Variants in MED23 observed in about 807,000 individuals in gnomAD.
MED23 encodes the protein mediator of RNA polymerase II transcription subunit 23.
MED23 carries 105 observed loss-of-function variants against 163.9 expected under a neutral mutation model. That is an observed-to-expected ratio of 0.64 (90% CI 0.55 to 0.75). MED23 has a LOEUF of 0.75. Among genes scored for constraint, MED23 ranks in the 30% least tolerant of loss-of-function variants. The pLI, the probability that MED23 is intolerant of heterozygous loss-of-function variation, is 0.00. For synonymous variants in MED23, 561 were observed against 565.6 expected (o/e 0.99, Z 0.12); for missense variants, 1,054 against 1,649.0 (o/e 0.64, Z 6.25).
intron 5 of MED23, among the ~76,000 whole-genome samples, chr6:131,622,647 A>C (rs932617108): frequency 1.3e-5 from 2 of 152,274 alleles, no homozygotes; most frequent in African/African-American, 4.8e-5. Flanking sequence ...AGAAAATTGC[A>C]TAAGTCTGAG....
chr6:131,593,576 A>G (rs1028968944), intron 23 of MED23, among the ~76,000 whole-genome samples: 3 of 152,210 alleles, frequency 2.0e-5, no homozygotes, highest in African/African-American at 4.8e-5. Flanking sequence ...CTTACCTAGT[A>G]AAATAGTGGT....
intron 2 of MED23, 66 bp downstream of exon 2, chr6:131,627,575 A>G: frequency 1.2e-6 from 2 of 1,600,024 alleles, no homozygotes; most frequent in South Asian, 2.2e-5. Flanking sequence ...TTCCAACACG[A>G]AACTAAGTAA....
At chr6:131,593,427 C>T (rs1233402902) in intron 23 of MED23, among the ~76,000 whole-genome samples, 1 of 152,066 alleles carries the variant, frequency 6.6e-6, no homozygotes, top group Non-Finnish European at 1.5e-5. Context: ...CCAAGGTTTA[C>T]CTAGGTTTCA....
chr6:131,606,638 A>G lies in MED23; in HGVS notation c.1222-14T>C, dbSNP rs758214491. The stretch of plus-strand genomic sequence containing the variant: ...AACTGGGATATACTGAAAAATAACA[A>G]TTTGAAAAATAACACAATAGAAGAA... On this transcript the variant is annotated splice_polypyrimidine_tract_variant and intron_variant, in intron 12 of 28. Coordinates refer to ENST00000368068, the MANE Select transcript of MED23 (RefSeq NM_004830.4). 1.9e-6 allele frequency: 3 copies of G among 1,590,504 alleles called. No individual in the cohort carries two copies. The highest frequency in any genetic ancestry group is 2.6e-6 in the Non-Finnish European group (3 of 1,159,436).
Position 131,621,866 on chromosome 6 carries a change from A to C in MED23, c.495+15T>G. ...TTGAGGTTATGATCACGAATTTCAG[A>C]CATGTCTAAATTACCTCTCTTGCTG... On this transcript the variant is annotated intron_variant, in intron 6 of 28. Transcript: ENST00000368068. 1.3e-6 allele frequency: 2 copies of C among 1,568,914 alleles called. No individual in the cohort carries two copies. Among genetic ancestry groups the C allele is most frequent in the Non-Finnish European group, 1.7e-6 (2 of 1,150,596 alleles).
chr6:131,606,705 T>C, intron 12 of MED23, 81 bp from the exon 13 acceptor site: 1 of 1,200,466 alleles, frequency 8.3e-7, no homozygotes, highest in African/African-American at 1.5e-5. Flanking sequence ...GTAATCAATT[T>C]CTAATATAAC....
Position 131,624,929 on chromosome 6 carries a change from T to C in MED23, c.220A>G (p.Lys74Glu). 3 of 1,613,802 alleles carry C rather than the reference T, an allele frequency of 1.9e-6. No individual in the cohort carries two copies. The highest frequency in any genetic ancestry group is 2.5e-6 in the Non-Finnish European group (3 of 1,179,860). Reference sequence around the variant, plus strand: ...CAGTCATAAAGAAAAGAAATTCTTTTAGGACTATGCTGACCATGAATAAAC... The same window carrying C: ...CAGTCATAAAGAAAAGAAATTCTTTCAGGACTATGCTGACCATGAATAAAC... Reference protein sequence around the residue: ...VKFIHGQHSPKRISFLYDCLA... With the variant: ...VKFIHGQHSPERISFLYDCLA... The change falls in exon 4 of 29, where the codon AAA (lysine) becomes GAA (glutamate). Residue 74 changes from lysine (K) to glutamate (E), a missense_variant. Physicochemically the swap from Lys to Glu is moderately conservative, Grantham distance 56. This residue lies in a region of MED23 where 227 missense variants were observed against 235.5 expected (regional missense o/e 0.96). Transcript: ENST00000368068.
intron 8 of MED23, among the ~76,000 whole-genome samples, chr6:131,618,936 T>TAA (rs769199120): frequency 1.6e-4 from 24 of 152,196 alleles, no homozygotes; most frequent in Non-Finnish European, 3.5e-4. Flanking sequence ...GGAAAAAGTT[T>TAA]AAGACCACTA....
intron 10 of MED23, among the ~76,000 whole-genome samples, chr6:131,611,452 C>A (rs982366797): frequency 6.6e-6 from 1 of 152,080 alleles, no homozygotes; most frequent in Non-Finnish European, 1.5e-5. Context: ...AATCACATTA[C>A]AGGTTTACAA....
At chr6:131,582,922 C>T, downstream of MED23, 1 of 776,378 alleles carries the variant, frequency 1.3e-6, no homozygotes. Context: ...AAAATAAATA[C>T]AAATAAAACT....
chr6:131,582,066 T>C (rs988370460), downstream of MED23, among the ~76,000 whole-genome samples: 2 of 152,248 alleles, frequency 1.3e-5, no homozygotes, highest in Non-Finnish European at 2.9e-5. Context: ...ATTTGGTCCT[T>C]ATGATGATAC....
chr6:131,606,497 G>A lies in MED23; in HGVS notation c.1349C>T (p.Ser450Phe). The change falls in exon 13 of 29, where the codon TCC becomes TTC. Residue 450 changes from serine (S) to phenylalanine (F), a missense_variant. This residue lies in a region of MED23 where 39 missense variants were observed against 50.5 expected (regional missense o/e 0.77). Coordinates refer to ENST00000368068, the MANE Select transcript of MED23 (RefSeq NM_004830.4). Reference protein sequence around the residue: ...NSKLQIPIPHSLRLHHEFLQQ... With the variant: ...NSKLQIPIPHFLRLHHEFLQQ... Reference sequence around the variant, plus strand: ...AACTTACTCATGGTGAAGTCTTAGGGAATGAGGTATTGGAATCTGTAGCTT... The same window carrying A: ...AACTTACTCATGGTGAAGTCTTAGGAAATGAGGTATTGGAATCTGTAGCTT... 6.2e-7 allele frequency: 1 copy of A among 1,613,364 alleles called. No homozygotes were observed. The highest frequency in any genetic ancestry group is 1.7e-5 in the Admixed American group (1 of 59,972).
chr6:131,582,545 T>C (rs1721825346), downstream of MED23: 7 of 1,083,756 alleles, frequency 6.5e-6, no homozygotes, highest in African/African-American at 1.5e-5. Context: ...CGCAATCCAA[T>C]ATGTGTCTTT....
In MED23 at chr6:131,602,257, C is replaced by T; in HGVS notation, c.2056G>A (p.Ala686Thr). The T allele has an allele frequency of 6.2e-7, 1 of 1,613,902 alleles. No homozygotes were observed. The highest frequency in any genetic ancestry group is 8.5e-7 in the Non-Finnish European group (1 of 1,179,844). Residue 686 changes from alanine (A) to threonine (T), a missense_variant, in exon 17 of 29, where the codon GCC becomes ACC. Physicochemically the swap from Ala to Thr is moderately conservative, Grantham distance 58. This residue lies in a region of MED23 where 228 missense variants were observed against 461.3 expected (regional missense o/e 0.49). Coordinates refer to ENST00000368068, the MANE Select transcript of MED23 (RefSeq NM_004830.4). Reference protein sequence around the residue: ...LSAESEELNRALILTLARATH... With the variant: ...LSAESEELNRTLILTLARATH... Reference sequence around the variant, plus strand: ...GCTCTAGCCAAGGTCAATATCAAGGCTCGGTTCAGTTCTTCAGATTCTGCT... The same window carrying T: ...GCTCTAGCCAAGGTCAATATCAAGGTTCGGTTCAGTTCTTCAGATTCTGCT...
intron 30 of MED23, among the ~76,000 whole-genome samples, chr6:131,575,371 GC>G (rs1773565070): frequency 6.6e-6 from 1 of 152,096 alleles, no homozygotes; most frequent in Non-Finnish European, 1.5e-5. Flanking sequence ...AAAACTAAAG[GC>G]AAAACATGAA....
intron 13 of MED23, among the ~76,000 whole-genome samples, chr6:131,606,066 T>C (rs749112996): frequency 2.6e-5 from 4 of 152,184 alleles, no homozygotes; most frequent in Non-Finnish European, 4.4e-5. Context: ...TTAAGGGGCA[T>C]GCCAGCCAGA....
chr6:131,605,455 A>G lies in MED23; in HGVS notation c.1398T>C (p.Ser466=). The change falls in exon 14 of 29, where the codon AGT becomes AGC. Residue 466 remains serine, a synonymous_variant. Transcript: ENST00000368068. ...CAATCTTATAGTCATTCATCTGTAA[A>G]CTTTTATTTCTTAGACTCTGCTGCA... ...EFLQQSLRNK[S]LQMNDYKIAL... is the part of the protein sequence containing the mutation. The G allele has an allele frequency of 1.9e-6, 3 of 1,605,364 alleles. No homozygotes were observed. Among genetic ancestry groups the G allele is most frequent in the Non-Finnish European group, 1.7e-6 (2 of 1,174,912 alleles).
chr6:131,588,178 C>T (rs771198287), intron 28 of MED23, among the ~76,000 whole-genome samples: 1 of 152,168 alleles, frequency 6.6e-6, no homozygotes, highest in Non-Finnish European at 1.5e-5. Flanking sequence ...CAAAAGCTAG[C>T]AGAGTTTACA....
Position 131,586,857 on chromosome 6 carries a change from G to A in MED23, c.*822C>T, listed in dbSNP as rs923948925. 6.8e-7 allele frequency: 1 copy of A among 1,470,110 alleles called. No homozygotes were observed. The highest frequency in any genetic ancestry group is 9.2e-7 in the Non-Finnish European group (1 of 1,086,570). 91.1% of individuals were successfully genotyped at this position (1,470,110 alleles called of 1,614,324 possible). Reference sequence around the variant, plus strand: ...AAATCCAAGAAATAAAATGTGTACTGTATTTACAAATATAAAATTTAAAAA... The same window carrying A: ...AAATCCAAGAAATAAAATGTGTACTATATTTACAAATATAAAATTTAAAAA... On this transcript the variant is annotated 3_prime_UTR_variant, in exon 29 of 29. Coordinates refer to ENST00000368068, the MANE Select transcript of MED23 (RefSeq NM_004830.4).
Sources: allele counts gnomAD v4.1 joint callset (sites outside exome capture counted in the v4.1 genomes callset), GRCh38; gene constraint gnomAD v4.1.1; regional missense constraint gnomAD v4.1.1; transcripts MANE v1.5; gene names NCBI Gene and HGNC (gene_info 2026-07-23, HGNC 2026-07-21).